Variants in TTC39B observed in about 807,000 individuals in gnomAD.
TTC39B encodes tetratricopeptide repeat protein 39B.
TTC39B carries 92 observed loss-of-function variants against 96.6 expected under a neutral mutation model. That is an observed-to-expected ratio of 0.95 (90% CI 0.80 to 1.13). The LOEUF is 1.13. Ranked by LOEUF, TTC39B falls within the 50% of genes most tolerant of loss-of-function variation. TTC39B has a pLI of 0.00. For missense variants in TTC39B, 955 were observed against 809.3 expected (o/e 1.18, Z -2.18); for synonymous variants, 367 against 299.4 (o/e 1.23, Z -2.33).
chr9:15,193,134 C>A (rs1401731360), intron 8 of TTC39B, among the ~76,000 whole-genome samples: 1 of 152,228 alleles, frequency 6.6e-6, no homozygotes, highest in East Asian at 1.9e-4. Flanking sequence ...TCGTCTCAAA[C>A]AGACCAAATA....
chr9:15,271,856 T>C (rs970669498), intron 1 of TTC39B, among the ~76,000 whole-genome samples: 23 of 152,232 alleles, frequency 1.5e-4, no homozygotes, highest in Non-Finnish European at 3.4e-4. Flanking sequence ...AAATAAAATT[T>C]TGACATGCTC....
intron 15 of TTC39B, 47 bp downstream of exon 15, chr9:15,186,897 C>T (rs757340388): frequency 2.6e-6 from 4 of 1,559,420 alleles, no homozygotes; most frequent in Non-Finnish European, 3.5e-6. Context: ...AGATTTTGCC[C>T]CTTTATACCC....
At chr9:15,241,546 T>G (rs1822040299) in intron 2 of TTC39B, among the ~76,000 whole-genome samples, 1 of 152,064 alleles carries the variant, frequency 6.6e-6, no homozygotes, top group African/African-American at 2.4e-5. Context: ...AATTTATAAT[T>G]TATAAAATCT....
chr9:15,264,655 A>T (rs1346355477), intron 2 of TTC39B, among the ~76,000 whole-genome samples: 3 of 74,770 alleles, frequency 4.0e-5, no homozygotes, highest in East Asian at 2.6e-4. Flanking sequence ...ACTCTGTCTT[A>T]AAAAAAAAAA....
chr9:15,240,491 T>C (rs1277742299), intron 2 of TTC39B, among the ~76,000 whole-genome samples: 1 of 151,944 alleles, frequency 6.6e-6, no homozygotes, highest in Non-Finnish European at 1.5e-5. Context: ...TTCTTTGTAC[T>C]TTTCAATGTT....
intron 1 of TTC39B, among the ~76,000 whole-genome samples, chr9:15,281,862 G>C (rs1368528959): frequency 1.3e-5 from 2 of 151,990 alleles, no homozygotes; most frequent in African/African-American, 2.4e-5. Flanking sequence ...TTTTTTGGTA[G>C]AGGTGGGGTT....
chr9:15,231,749 C>A (rs1433426520), intron 2 of TTC39B, among the ~76,000 whole-genome samples: 2 of 152,130 alleles, frequency 1.3e-5, no homozygotes, highest in Non-Finnish European at 2.9e-5. Context: ...AAAAGCTAGT[C>A]CATATTTAAA....
intron 4 of TTC39B, among the ~76,000 whole-genome samples, chr9:15,213,242 A>G (rs1820310284): frequency 6.6e-6 from 1 of 152,164 alleles, no homozygotes; most frequent in South Asian, 2.1e-4. Flanking sequence ...ACAGAGGAGG[A>G]CAGAAGGAAA....
At chr9:15,219,815 A>T (rs1820741989) in intron 3 of TTC39B, among the ~76,000 whole-genome samples, 1 of 152,096 alleles carries the variant, frequency 6.6e-6, no homozygotes, top group South Asian at 2.1e-4. Context: ...TCTCTCAGCG[A>T]TGCAGTGAGC....
At chr9:15,239,275 G>C (rs1821928533) in intron 2 of TTC39B, among the ~76,000 whole-genome samples, 2 of 152,124 alleles carry the variant, frequency 1.3e-5, no homozygotes, top group African/African-American at 4.8e-5. Flanking sequence ...ACAGATGTTG[G>C]ATTGCTTATG....
exon 13 of TTC39B, chr9:15,189,582 G>A (rs923728848): frequency 1.2e-6 from 2 of 1,614,074 alleles, no homozygotes. Flanking sequence ...ACCTCTTCAA[G>A]ATTCCCTTTC....
chr9:15,211,263 T>A lies in TTC39B; in HGVS notation c.614+3A>T. 3 of 1,533,276 alleles carry A rather than the reference T, an allele frequency of 2.0e-6. No homozygotes were observed. Among genetic ancestry groups the A allele is most frequent in the Non-Finnish European group, 2.6e-6 (3 of 1,143,374 alleles). The allele number at this position is 1,533,276 out of a possible 1,614,324, so 95.0% of individuals were successfully genotyped here. On this transcript the variant is annotated splice_donor_region_variant and intron_variant, in intron 5 of 19. Transcript: ENST00000512701. ...ATCTTAAGTATTTAATGACTCGTCA[T>A]ACTTTTGGCAGGTTTGTAAAGCGTC...
At chr9:15,265,322 C>T (rs1164364636) in intron 2 of TTC39B, among the ~76,000 whole-genome samples, 1 of 152,214 alleles carries the variant, frequency 6.6e-6, no homozygotes, top group Non-Finnish European at 1.5e-5. Context: ...GCTCAGGGGT[C>T]ACACTGCTCC....
chr9:15,303,045 G>A (rs1824651075), intron 1 of TTC39B, among the ~76,000 whole-genome samples: 1 of 151,764 alleles, frequency 6.6e-6, no homozygotes, highest in African/African-American at 2.4e-5. Flanking sequence ...GCACGCACAT[G>A]TAGTCCCAGC....
In TTC39B at chr9:15,192,573, T is replaced by C; in HGVS notation, c.930+17A>G. 6.3e-7 allele frequency: 1 copy of C among 1,598,124 alleles called. No individual in the cohort carries two copies. The highest frequency in any genetic ancestry group is 8.6e-7 in the Non-Finnish European group (1 of 1,165,984). On this transcript the variant is annotated intron_variant, in intron 9 of 19. Coordinates refer to ENST00000512701, the Ensembl canonical transcript of TTC39B. The stretch of plus-strand genomic sequence containing the variant: ...TCTTCTACAAAAGTTCTGGTTTCTA[T>C]ACAGTGATTTCCTTACCAAATTAAA...
intron 3 of TTC39B, among the ~76,000 whole-genome samples, chr9:15,216,004 C>T (rs543541941): frequency 6.6e-6 from 1 of 152,232 alleles, no homozygotes; most frequent in African/African-American, 2.4e-5. Flanking sequence ...AGTGACTCTT[C>T]TAGCACGAAT....
chr9:15,236,208 T>TA (rs1046961679), intron 2 of TTC39B, among the ~76,000 whole-genome samples: 50 of 151,848 alleles, frequency 3.3e-4, no homozygotes, highest in African/African-American at 1.1e-3. Flanking sequence ...CAACTAACAG[T>TA]AAAAAAAGAC....
At chr9:15,185,569 C>G in intron 15 of TTC39B, 163 bp from the exon 16 acceptor site, 1 of 1,071,028 alleles carries the variant, frequency 9.3e-7, no homozygotes, top group South Asian at 1.7e-5. Context: ...TCTAGACCTA[C>G]TGAATCAGCA....
chr9:15,276,087 G>C (rs948833076), intron 1 of TTC39B, among the ~76,000 whole-genome samples: 5 of 152,176 alleles, frequency 3.3e-5, no homozygotes, highest in Admixed American at 6.5e-5. Context: ...GATTTCAACT[G>C]TCACTATGTG....
Sources: gnomAD v4.1 joint callset for allele counts (sites outside exome capture counted in the v4.1 genomes callset) on GRCh38, gnomAD v4.1.1 for gene constraint, MANE v1.5 for transcripts, NCBI Gene and HGNC (gene_info 2026-07-23, HGNC 2026-07-21) for gene names.